Variants in CDH26 observed in about 807,000 individuals in gnomAD.
The protein encoded by CDH26 is cadherin-like protein 26.
A neutral mutation model predicts 90.3 loss-of-function variants in CDH26; 83 were observed. The ratio of observed to expected loss-of-function variants is 0.92; its 90% CI spans 0.77 to 1.10. The LOEUF (loss-of-function observed/expected upper bound fraction) is 1.10. CDH26 is among the 50% of genes least tolerant of loss of function. The probability of loss-of-function intolerance (pLI) is 0.00; values close to 1 mark genes in which losing one functional copy is unlikely to be tolerated. For missense variants in CDH26, 1,013 were observed against 1,037.6 expected (o/e 0.98, Z 0.33); for synonymous variants, 397 against 396.3 (o/e 1.00, Z -0.02).
downstream of CDH26, chr20:60,014,627 G>T (rs748040808): frequency 6.6e-6 from 1 of 152,162 alleles, no homozygotes; most frequent in African/African-American, 2.4e-5. Flanking sequence ...ATAAATGACA[G>T]AATTTTTTTA....
intron 1 of CDH26, among the ~76,000 whole-genome samples, chr20:59,966,231 TAAAAAAAAA>T (rs60088029): frequency 3.9e-5 from 3 of 76,248 alleles, no homozygotes; most frequent in African/African-American, 1.9e-4. Flanking sequence ...GGTGTTGCAT[TAAAAAAAAA>T]AAAAAAAAAA....
chr20:60,033,282 G>A (rs1276766465), intron 8 of CDH26, among the ~76,000 whole-genome samples: 2 of 152,140 alleles, frequency 1.3e-5, no homozygotes, highest in Non-Finnish European at 2.9e-5. Flanking sequence ...TCACTGCCCC[G>A]GGAACTTGTC....
At chr20:59,966,931 G>C (rs993789412) in intron 1 of CDH26, among the ~76,000 whole-genome samples, 4 of 151,570 alleles carry the variant, frequency 2.6e-5, no homozygotes, top group Admixed American at 6.6e-5. Context: ...GAATGAACTA[G>C]AACTGTAGGT....
intron 17 of CDH26, among the ~76,000 whole-genome samples, chr20:60,011,074 TGCCACTCTC>T (rs2061832754): frequency 6.6e-6 from 1 of 152,124 alleles, no homozygotes; most frequent in Admixed American, 6.5e-5. Context: ...TTAGTGAACT[TGCCACTCTC>T]GCCCCAATGA....
intron 7 of CDH26, among the ~76,000 whole-genome samples, 183 bp downstream of exon 7, chr20:59,985,312 A>G: frequency 6.6e-6 from 1 of 152,172 alleles, no homozygotes; most frequent in East Asian, 1.9e-4. Flanking sequence ...GCTTTACAGG[A>G]AGCCTGGGGC....
At chr20:60,033,675 G>A (rs1049666147) in exon 9 of CDH26, 1 of 1,304,024 alleles carries the variant, frequency 7.7e-7, no homozygotes, top group South Asian at 1.2e-5. Flanking sequence ...GTCTCAGGCT[G>A]AGCAGAGAGT....
chr20:60,023,960 G>GGAGA (rs11086691), intron 7 of CDH26, among the ~76,000 whole-genome samples: 5,736 of 147,220 alleles, frequency 0.039, 237 homozygotes, highest in African/African-American at 0.1. Context: ...GCTGACAGAG[G>GGAGA]GAGAGAGAGA....
At chr20:60,026,242 A>G (rs997561945) in intron 7 of CDH26, among the ~76,000 whole-genome samples, 1 of 152,128 alleles carries the variant, frequency 6.6e-6, no homozygotes, top group Non-Finnish European at 1.5e-5. Context: ...TCATACTCTA[A>G]TCTGGCATTA....
intron 7 of CDH26, among the ~76,000 whole-genome samples, chr20:60,026,672 C>A (rs890224734): frequency 2.0e-5 from 3 of 152,180 alleles, no homozygotes; most frequent in Non-Finnish European, 4.4e-5. Flanking sequence ...CATGCATTCT[C>A]CCCCAGAGCC....
chr20:60,033,347 T>C, intron 8 of CDH26: 1 of 1,155,736 alleles, frequency 8.7e-7, no homozygotes, highest in Non-Finnish European at 1.1e-6. Context: ...TTAACCTCCT[T>C]CGTGTACACA....
Position 59,987,712 on chromosome 20 carries a change from T to C in CDH26, c.1023+74T>C, listed in dbSNP as rs1007847667. On this transcript the variant is annotated intron_variant, in intron 8 of 17. Transcript: ENST00000348616. ...GCCTCTTCTGTAGGATCACTCACAATGAACCAGGGAGCTAACGTCCGTGGA... is the reference window on the plus strand; with the variant it reads ...GCCTCTTCTGTAGGATCACTCACAACGAACCAGGGAGCTAACGTCCGTGGA... 2.2e-6 allele frequency: 3 copies of C among 1,351,714 alleles called. No individual in the cohort carries two copies. The African/African-American group carries it at 4.4e-5, about 20-fold the overall frequency. 83.7% of individuals were successfully genotyped at this position (1,351,714 alleles called of 1,614,324 possible).
chr20:60,005,764 G>A (rs574053116), intron 16 of CDH26, among the ~76,000 whole-genome samples: 1 of 152,210 alleles, frequency 6.6e-6, no homozygotes, highest in Admixed American at 6.5e-5. Flanking sequence ...TCCCTCCAGG[G>A]CTGCTTTGCA....
chr20:60,021,849 TACACACACAC>T (rs757813328), intron 7 of CDH26, among the ~76,000 whole-genome samples: 31 of 42,576 alleles, frequency 7.3e-4, no homozygotes, highest in African/African-American at 1.7e-3. Context: ...TCCTTATCTG[TACACACACAC>T]ACACACACAC....
At chr20:60,026,416 GA>G (rs1468771141) in intron 7 of CDH26, among the ~76,000 whole-genome samples, 1 of 152,000 alleles carries the variant, frequency 6.6e-6, no homozygotes, top group Non-Finnish European at 1.5e-5. Context: ...GAGAGAGAGA[GA>G]GAGAGAGAGG....
intron 17 of CDH26, among the ~76,000 whole-genome samples, chr20:60,011,281 T>G (rs1240125534): frequency 1.3e-5 from 2 of 152,194 alleles, no homozygotes; most frequent in Non-Finnish European, 2.9e-5. Context: ...TTCATGAACT[T>G]TGGTCATTCT....
At chr20:59,987,737 A>C in intron 8 of CDH26, 99 bp downstream of exon 8, 5 of 1,130,250 alleles carry the variant, frequency 4.4e-6, no homozygotes, top group Non-Finnish European at 6.3e-6. Flanking sequence ...ACGTCCGTGG[A>C]TGCTGGGTGC....
chr20:59,994,444 AC>A lies in CDH26; in HGVS notation c.1623del (p.Trp542GlyfsTer21), dbSNP rs772654711. 15 of 1,614,166 alleles carry A rather than the reference AC, an allele frequency of 9.3e-6. No individual in the cohort carries two copies. Among genetic ancestry groups the A allele is most frequent in the Admixed American group, 8.3e-5 (5 of 60,024 alleles). On this transcript the variant is annotated frameshift_variant, in exon 11 of 18. Transcript: ENST00000348616. LOFTEE classifies it high-confidence loss of function. ...SDPFTFELDN[T>X]WGNAEDTWKL... ...CCCATTTACATTTGAATTGGACAAT[AC>A]CTGGGGAAATGCGGAGGACACATGG...
chr20:60,029,429 A>ACCTATAGTCAACAACG (rs2062024010), intron 7 of CDH26, among the ~76,000 whole-genome samples: 1 of 120,016 alleles, frequency 8.3e-6, no homozygotes, highest in African/African-American at 3.4e-5. Flanking sequence ...AGTCAACAAC[A>ACCTATAGTCAACAACG]TAGCACCTAT....
At position 59,972,868 on chromosome 20, in the gene CDH26, G is replaced by C. The variant is rs140343816; in HGVS notation, c.393+745G>C. On this transcript the variant is annotated intron_variant, in intron 4 of 17. Coordinates refer to ENST00000348616, the MANE Select transcript of CDH26 (RefSeq NM_177980.4). The stretch of plus-strand genomic sequence containing the variant: ...GTAATAGTTGAAGCTTTTCTCCAGT[G>C]ATCTCAAAGTACTTATATACACAAT... 4.6e-5 allele frequency among the ~76,000 whole-genome samples: 7 copies of C among 152,248 alleles called. No homozygotes were observed. In the East Asian group the frequency reaches 1.4e-3, roughly 29 times the overall value.
Sources: allele counts gnomAD v4.1 joint callset (sites outside exome capture counted in the v4.1 genomes callset), GRCh38; gene constraint gnomAD v4.1.1; transcripts MANE v1.5; gene names NCBI Gene and HGNC (gene_info 2026-07-23, HGNC 2026-07-21).